TPO: variants seen among roughly 807,000 people sequenced by gnomAD.
TPO encodes thyroid peroxidase.
TPO carries 78 observed loss-of-function variants against 96.9 expected under a neutral mutation model. The observed-to-expected ratio is 0.81, with a 90% confidence interval of 0.67 to 0.97. The LOEUF (loss-of-function observed/expected upper bound fraction) is 0.97, where lower values mean the gene tolerates loss of function less well. Among genes scored for constraint, TPO ranks in the 50% least tolerant of loss-of-function variants. TPO has a pLI of 0.00. For missense variants in TPO, 1,252 were observed against 1,274.8 expected, an observed-to-expected ratio of 0.98 and a Z score of 0.27; for synonymous variants, 547 against 538.0, an observed-to-expected ratio of 1.02 and a Z score of -0.23.
intron 8 of TPO, among the ~76,000 whole-genome samples, chr2:1,479,991 AG>A (rs1670387712): frequency 6.6e-6 from 1 of 152,168 alleles, no homozygotes; most frequent in Non-Finnish European, 1.5e-5. Flanking sequence ...CATGTTGGCT[AG>A]GATGGTCTTG....
intron 13 of TPO, 187 bp from the exon 14 acceptor site, chr2:1,503,761 G>C (rs1364092184): frequency 1.8e-6 from 2 of 1,084,492 alleles, no homozygotes; most frequent in Non-Finnish European, 2.8e-6. Context: ...GCGCACATCT[G>C]TCTGCTCCTC....
At chr2:1,430,402 T>C (rs1325046811) in intron 3 of TPO, among the ~76,000 whole-genome samples, 1 of 152,252 alleles carries the variant, frequency 6.6e-6, no homozygotes, top group East Asian at 1.9e-4. Flanking sequence ...AAAAGCCTAG[T>C]GCCCAGGTAG....
intron 1 of TPO, among the ~76,000 whole-genome samples, chr2:1,387,948 G>C (rs1220645246): frequency 6.6e-6 from 1 of 152,206 alleles, no homozygotes; most frequent in Non-Finnish European, 1.5e-5. Context: ...CTCAGCTGCA[G>C]GTCTGTTGGA....
At chr2:1,501,385 G>A (rs540318029) in intron 13 of TPO, among the ~76,000 whole-genome samples, 3 of 152,298 alleles carry the variant, frequency 2.0e-5, no homozygotes, top group Admixed American at 6.5e-5. Flanking sequence ...CTCCTCTGTC[G>A]GGAGCGCTGC....
chr2:1,537,717 C>G (rs1680146786), intron 15 of TPO, among the ~76,000 whole-genome samples: 1 of 119,612 alleles, frequency 8.4e-6, no homozygotes, highest in African/African-American at 3.1e-5. Flanking sequence ...TGTGAGCGAC[C>G]TCCCCAAATC....
intron 8 of TPO, among the ~76,000 whole-genome samples, chr2:1,480,733 A>ACCTCCCTCCTCC (rs1558338674): frequency 8.2e-6 from 1 of 122,606 alleles, no homozygotes; most frequent in African/African-American, 2.8e-5. Flanking sequence ...CGTCCAAACC[A>ACCTCCCTCCTCC]TGTTTCTCCT....
upstream of TPO, among the ~76,000 whole-genome samples, chr2:1,413,218 C>G (rs960096739): frequency 6.6e-6 from 1 of 152,138 alleles, no homozygotes; most frequent in African/African-American, 2.4e-5. Flanking sequence ...TTTATTCTTT[C>G]TCCCTGTATA....
intron 6 of TPO, among the ~76,000 whole-genome samples, chr2:1,455,011 A>AG (rs1417304091): frequency 1.3e-5 from 2 of 152,180 alleles, no homozygotes; most frequent in African/African-American, 4.8e-5. Flanking sequence ...TGGAAGCTCC[A>AG]GGGGAGATCC....
Position 1,540,730 on chromosome 2 carries a change from C to G in TPO, c.2748+7C>G. 6.2e-6 allele frequency: 10 copies of G among 1,613,262 alleles called. No individual in the cohort carries two copies. Among genetic ancestry groups the G allele is most frequent in the Non-Finnish European group, 8.5e-6 (10 of 1,180,012 alleles). On this transcript the variant is annotated splice_region_variant and intron_variant, in intron 16 of 16. Coordinates refer to ENST00000329066, the MANE Select transcript of TPO (RefSeq NM_001206744.2). The stretch of plus-strand genomic sequence containing the variant: ...AGCTCAGGACTCGGAGCAGGTGGGC[C>G]ACACCATGCCGCATGTTTCCAGCTG...
At chr2:1,530,003 CACG>C (rs923468141) in intron 15 of TPO, among the ~76,000 whole-genome samples, 1 of 138,378 alleles carries the variant, frequency 7.2e-6, no homozygotes, top group Non-Finnish European at 1.5e-5. Flanking sequence ...CTCGCCCAAT[CACG>C]ACACTGTGTG....
intron 14 of TPO, among the ~76,000 whole-genome samples, chr2:1,513,202 G>A (rs1054639685): frequency 4.6e-5 from 7 of 152,190 alleles, no homozygotes; most frequent in East Asian, 1.9e-4. Context: ...GAATGACAGC[G>A]TGAAACCCAA....
intron 9 of TPO, among the ~76,000 whole-genome samples, chr2:1,486,473 G>A (rs1274804039): frequency 2.7e-5 from 4 of 149,284 alleles, no homozygotes; most frequent in Non-Finnish European, 6.0e-5. Flanking sequence ...GAGGCAGAGG[G>A]TGCAGGTGAG....
In TPO at chr2:1,520,114, G is replaced by T. The variant is rs28913038; in HGVS notation, c.2618+3132G>T. On this transcript the variant is annotated intron_variant, in intron 15 of 16. Transcript: ENST00000329066. ...AGACCATAACAGGGAAGACCCTGGG[G>T]CTCCAGGGCAGAAACATCCTGGACC... is the stretch of plus-strand genomic sequence containing the variant. Among the ~76,000 whole-genome samples the T allele has an allele frequency of 7.2e-3, 1,071 of 148,162 alleles. 16 individuals are homozygous for T. Among genetic ancestry groups the T allele is most frequent in the African/African-American group, 0.026 (1,006 of 37,998 alleles).
At chr2:1,459,308 C>T (rs1668184262) in intron 7 of TPO, among the ~76,000 whole-genome samples, 2 of 152,180 alleles carry the variant, frequency 1.3e-5, no homozygotes, top group East Asian at 1.9e-4. Flanking sequence ...GGTGCCACCA[C>T]ACCCGGCTAA....
intron 1 of TPO, among the ~76,000 whole-genome samples, chr2:1,374,708 C>A (rs191715683): frequency 1.1e-3 from 161 of 149,128 alleles, no homozygotes; most frequent in Admixed American, 2.3e-3. Flanking sequence ...ATAGAGAAAT[C>A]TTTTCTTTCT....
intron 7 of TPO, among the ~76,000 whole-genome samples, chr2:1,469,673 C>T (rs1164251838): frequency 2.6e-5 from 4 of 152,152 alleles, no homozygotes; most frequent in East Asian, 1.9e-4. Context: ...GTATTCCACT[C>T]GGCTCTCTAA....
intron 11 of TPO, among the ~76,000 whole-genome samples, chr2:1,495,332 G>A (rs964800534): frequency 6.6e-6 from 1 of 152,158 alleles, no homozygotes; most frequent in Non-Finnish European, 1.5e-5. Context: ...CATGCTTTAC[G>A]GCATTCAGGC....
In TPO at chr2:1,432,250, G is replaced by C. The variant is rs186903041; in HGVS notation, c.180-1188G>C. 2.6e-5 allele frequency among the ~76,000 whole-genome samples: 4 copies of C among 152,350 alleles called. No homozygotes were observed. The East Asian group carries it at 7.7e-4, about 29-fold the overall frequency. ...TGATGTAGTCCTCCCTTGGGTCCTG[G>C]GGACTCAGTAATTCCATTCTGCAGG... On this transcript the variant is annotated intron_variant, in intron 3 of 16. Transcript: ENST00000329066.
chr2:1,508,222 C>T (rs992312998), intron 14 of TPO, among the ~76,000 whole-genome samples: 12 of 152,024 alleles, frequency 7.9e-5, no homozygotes, highest in African/African-American at 2.4e-4. Flanking sequence ...GCCTTGCATC[C>T]CAGGGATGAA....
Sources: allele counts gnomAD v4.1 joint callset (sites outside exome capture counted in the v4.1 genomes callset), GRCh38; gene constraint gnomAD v4.1.1; transcripts MANE v1.5; gene names NCBI Gene and HGNC (gene_info 2026-07-23, HGNC 2026-07-21).